SYT1: variants seen among roughly 807,000 people sequenced by gnomAD.
The protein encoded by SYT1 is synaptotagmin 1, also known as synaptotagmin-1.
SYT1 carries 8 observed loss-of-function variants against 44.8 expected under a neutral mutation model. The ratio of observed to expected loss-of-function variants is 0.18; its 90% CI spans 0.10 to 0.32. SYT1 has a LOEUF of 0.32. Among genes scored for constraint, SYT1 ranks in the 10% least tolerant of loss-of-function variants. The probability of loss-of-function intolerance (pLI) is 1.00; values close to 1 mark genes in which losing one functional copy is unlikely to be tolerated. For synonymous variants in SYT1, 154 were observed against 188.8 expected, an observed-to-expected ratio of 0.82 and a Z score of 1.51; for missense variants, 286 against 509.3, an observed-to-expected ratio of 0.56 and a Z score of 4.22.
intron 3 of SYT1, among the ~76,000 whole-genome samples, chr12:79,210,129 A>G (rs1874353057): frequency 6.6e-6 from 1 of 152,186 alleles, no homozygotes; most frequent in African/African-American, 2.4e-5. Flanking sequence ...AGAGATAGGT[A>G]TAATTAAAGT....
intron 3 of SYT1, chr12:79,103,089 T>G (rs1878528719): frequency 6.6e-6 from 1 of 152,180 alleles, no homozygotes; most frequent in African/African-American, 2.4e-5. Flanking sequence ...TTATTAGCAA[T>G]GATTCCCAAG....
chr12:79,369,915 A>G (rs1337334142), intron 9 of SYT1, among the ~76,000 whole-genome samples: 1 of 152,246 alleles, frequency 6.6e-6, no homozygotes, highest in East Asian at 1.9e-4. Flanking sequence ...AGATAACAAG[A>G]ATGGAATCTT....
At chr12:79,001,256 CT>C (rs1301715813) in intron 2 of SYT1, among the ~76,000 whole-genome samples, 4 of 143,500 alleles carry the variant, frequency 2.8e-5, no homozygotes, top group African/African-American at 8.0e-5. Flanking sequence ...AAGTTCATTT[CT>C]TTTAAAAAAA....
chr12:79,310,310 A>G (rs1880707522), intron 8 of SYT1, among the ~76,000 whole-genome samples: 1 of 152,130 alleles, frequency 6.6e-6, no homozygotes, highest in African/African-American at 2.4e-5. Flanking sequence ...GAGGTTTGTC[A>G]AAGATCAGAT....
chr12:79,038,226 C>T (rs1182189522), intron 2 of SYT1, among the ~76,000 whole-genome samples: 2 of 150,662 alleles, frequency 1.3e-5, no homozygotes, highest in Non-Finnish European at 3.0e-5. Flanking sequence ...TATATATATA[C>T]ACACATACAT....
intron 1 of SYT1, among the ~76,000 whole-genome samples, chr12:78,971,450 A>G (rs1868382409): frequency 6.6e-6 from 1 of 152,156 alleles, no homozygotes; most frequent in African/African-American, 2.4e-5. Flanking sequence ...GAAATAATAA[A>G]AAAAAGAGTA....
At chr12:79,098,497 GT>G (rs551839547) in intron 3 of SYT1, among the ~76,000 whole-genome samples, 218 of 152,188 alleles carry the variant, frequency 1.4e-3, no homozygotes, top group Non-Finnish European at 2.6e-3. Flanking sequence ...TATTATTTAT[GT>G]TACCTCATCT....
intron 4 of SYT1, among the ~76,000 whole-genome samples, chr12:79,249,520 A>C (rs1018959023): frequency 2.0e-4 from 30 of 152,320 alleles, no homozygotes; most frequent in African/African-American, 7.0e-4. Context: ...TGGAAGGACT[A>C]GACTAGCAGC....
At chr12:79,342,484 G>A (rs1382470908) in intron 8 of SYT1, among the ~76,000 whole-genome samples, 3 of 152,164 alleles carry the variant, frequency 2.0e-5, no homozygotes, top group Admixed American at 1.3e-4. Flanking sequence ...GCCCTCCTTG[G>A]CCTCCCAAAG....
chr12:79,013,136 C>CTCTAT (rs1389854389), intron 2 of SYT1, among the ~76,000 whole-genome samples: 4 of 152,058 alleles, frequency 2.6e-5, no homozygotes, highest in African/African-American at 9.7e-5. Flanking sequence ...CTATTTCTAT[C>CTCTAT]TTGTAGAGTG....
chr12:79,320,167 G>C (rs1051254828), intron 8 of SYT1, among the ~76,000 whole-genome samples: 4 of 152,070 alleles, frequency 2.6e-5, no homozygotes, highest in African/African-American at 9.7e-5. Flanking sequence ...GAATAAAAAA[G>C]CTACCAAAAA....
chr12:79,227,238 TA>T (rs1875576982), intron 4 of SYT1, among the ~76,000 whole-genome samples: 1 of 152,018 alleles, frequency 6.6e-6, no homozygotes, highest in African/African-American at 2.4e-5. Flanking sequence ...AAATTTTTTT[TA>T]AAAAAAGGAG....
intron 9 of SYT1, among the ~76,000 whole-genome samples, chr12:79,439,160 C>T (rs1184770099): frequency 6.6e-6 from 1 of 152,120 alleles, no homozygotes; most frequent in African/African-American, 2.4e-5. Flanking sequence ...CATTAGCTGG[C>T]CTCAGAATCT....
At position 78,895,839 on chromosome 12, in the gene SYT1, G is replaced by A. The variant is rs139498948; in HGVS notation, c.-217+30730G>A. The stretch of plus-strand genomic sequence containing the variant: ...TGTAACTCATTGGAGTTTCAACCTA[G>A]AGAAACCAGTCACTGTATTATGCTG... On this transcript the variant is annotated intron_variant, in intron 1 of 10. Transcript: ENST00000261205. Among the ~76,000 whole-genome samples, 1,251 of 151,818 alleles carry A rather than the reference G, an allele frequency of 8.2e-3. 8 individuals are homozygous for A. Among genetic ancestry groups the A allele is most frequent in the Admixed American group, 0.012 (187 of 15,188 alleles).
intron 4 of SYT1, among the ~76,000 whole-genome samples, chr12:79,264,303 T>G (rs1319644902): frequency 6.6e-6 from 1 of 151,778 alleles, no homozygotes. Context: ...CCTCAGCCTC[T>G]CGAGTAGCTG....
intron 9 of SYT1, among the ~76,000 whole-genome samples, chr12:79,431,548 A>C (rs975889929): frequency 1.3e-4 from 20 of 148,458 alleles, no homozygotes; most frequent in Non-Finnish European, 1.3e-4. Flanking sequence ...TTATTTATTT[A>C]TTTATTGAGA....
At chr12:78,980,334 G>A (rs527919608) in intron 2 of SYT1, among the ~76,000 whole-genome samples, 21 of 152,196 alleles carry the variant, frequency 1.4e-4, no homozygotes, top group African/African-American at 2.9e-4. Context: ...CTACATAGCC[G>A]ACTCCATGGA....
At chr12:79,240,687 G>C (rs958732074) in intron 4 of SYT1, among the ~76,000 whole-genome samples, 2 of 152,190 alleles carry the variant, frequency 1.3e-5, no homozygotes, top group Non-Finnish European at 2.9e-5. Flanking sequence ...TTAGGAAGAA[G>C]TAGAGTTTCT....
At chr12:79,385,332 AT>A (rs1021678865) in intron 9 of SYT1, among the ~76,000 whole-genome samples, 6 of 151,960 alleles carry the variant, frequency 3.9e-5, no homozygotes, top group East Asian at 3.9e-4. Context: ...TCAAAAAAAG[AT>A]TTTTTTTTCC....
Sources: gnomAD v4.1 joint callset for allele counts (sites outside exome capture counted in the v4.1 genomes callset) on GRCh38, gnomAD v4.1.1 for gene constraint, MANE v1.5 for transcripts, NCBI Gene and HGNC (gene_info 2026-07-23, HGNC 2026-07-21) for gene names.